The following RASSF8 variants were observed in gnomAD, a reference collection of about 807,000 sequenced individuals.
The protein encoded by RASSF8 is ras association domain-containing protein 8.
RASSF8 carries 22 observed loss-of-function variants against 48.5 expected under a neutral mutation model. The ratio of observed to expected loss-of-function variants is 0.45; its 90% CI spans 0.32 to 0.65. The LOEUF (loss-of-function observed/expected upper bound fraction) is 0.65, where lower values mean the gene tolerates loss of function less well. Among genes scored for constraint, RASSF8 ranks in the 30% least tolerant of loss-of-function variants. The probability of loss-of-function intolerance (pLI) is 0.03; values close to 1 mark genes in which losing one functional copy is unlikely to be tolerated. For synonymous variants in RASSF8, 127 were observed against 171.5 expected, an observed-to-expected ratio of 0.74 and a Z score of 2.03; for missense variants, 418 against 489.2, an observed-to-expected ratio of 0.85 and a Z score of 1.37.
intron 2 of RASSF8, among the ~76,000 whole-genome samples, chr12:26,015,765 C>T (rs770736672): frequency 1.3e-5 from 2 of 152,042 alleles, no homozygotes; most frequent in African/African-American, 4.8e-5. Context: ...GAAAAATAAA[C>T]GAAATTAAAG....
chr12:25,981,749 T>C (rs1257736404), intron 1 of RASSF8, among the ~76,000 whole-genome samples: 1 of 152,220 alleles, frequency 6.6e-6, no homozygotes, highest in Non-Finnish European at 1.5e-5. Flanking sequence ...TTAGAATGAC[T>C]CTCAGCCTTC....
At chr12:26,055,128 C>T (rs1943574185) in intron 2 of RASSF8, 108 bp from the exon 3 acceptor site, 1 of 525,372 alleles carries the variant, frequency 1.9e-6, no homozygotes, top group East Asian at 3.1e-5. Flanking sequence ...AGCCTGTGTA[C>T]TTCAGTAAGA....
intron 2 of RASSF8, among the ~76,000 whole-genome samples, chr12:26,009,379 A>G (rs1275452457): frequency 1.3e-5 from 2 of 152,180 alleles, no homozygotes; most frequent in African/African-American, 4.8e-5. Context: ...TGTTTGGGAA[A>G]TTGGTGAGGG....
At chr12:26,031,762 G>T (rs1943034715) in intron 2 of RASSF8, among the ~76,000 whole-genome samples, 1 of 152,008 alleles carries the variant, frequency 6.6e-6, no homozygotes, top group African/African-American at 2.4e-5. Flanking sequence ...GAAAAAGAGG[G>T]TTAATAGAGA....
Position 26,071,575 on chromosome 12 carries a change from G to T in RASSF8, c.*2757G>T. Reference sequence around the variant, plus strand: ...AATGGCCCATAGTGTGTTGCCTGTGGACATAGTGTCCATAGTCCCTTTCTT... The same window carrying T: ...AATGGCCCATAGTGTGTTGCCTGTGTACATAGTGTCCATAGTCCCTTTCTT... On this transcript the variant is annotated 3_prime_UTR_variant, in exon 6 of 6. Transcript: ENST00000689635. 1 of 984,518 alleles carries T rather than the reference G, an allele frequency of 1.0e-6. No individual in the cohort carries two copies. Among genetic ancestry groups the T allele is most frequent in the Non-Finnish European group, 1.2e-6 (1 of 829,140 alleles). The allele number at this position is 984,518 out of a possible 1,614,324, so 61.0% of individuals were successfully genotyped here. A position where few individuals can be genotyped will look rare whatever the true frequency, so the allele number is the denominator to read the frequency against.
intron 2 of RASSF8, among the ~76,000 whole-genome samples, chr12:26,018,626 G>A (rs1425313361): frequency 1.3e-5 from 2 of 152,136 alleles, no homozygotes; most frequent in Non-Finnish European, 1.5e-5. Context: ...CAGCAGAAAG[G>A]GGGTGTAGGT....
chr12:26,069,436 T>C lies in RASSF8; in HGVS notation c.*618T>C. 4.1e-6 allele frequency: 4 copies of C among 985,458 alleles called. No homozygotes were observed. Among genetic ancestry groups the C allele is most frequent in the Non-Finnish European group, 4.8e-6 (4 of 829,912 alleles). 61.0% of individuals were successfully genotyped at this position (985,458 alleles called of 1,614,324 possible). ...GTGAAATAATTCAGGGTTTTTTAAATCTGGAATTTAGTCGTTCCTTTACAA... is the reference window on the plus strand; with the variant it reads ...GTGAAATAATTCAGGGTTTTTTAAACCTGGAATTTAGTCGTTCCTTTACAA... On this transcript the variant is annotated 3_prime_UTR_variant, in exon 6 of 6. Transcript: ENST00000689635.
At chr12:26,038,827 G>C (rs960637038) in intron 2 of RASSF8, among the ~76,000 whole-genome samples, 6 of 152,080 alleles carry the variant, frequency 3.9e-5, no homozygotes, top group African/African-American at 7.2e-5. Context: ...TTACTCCTTT[G>C]TTTTCAAAGA....
chr12:26,009,746 A>G (rs980085212), intron 2 of RASSF8, among the ~76,000 whole-genome samples: 10 of 152,334 alleles, frequency 6.6e-5, no homozygotes, highest in Middle Eastern at 3.4e-3. Context: ...ACTGACCCTT[A>G]TATTTAGCAA....
chr12:25,992,677 A>G (rs1414755348), intron 1 of RASSF8, among the ~76,000 whole-genome samples: 1 of 152,160 alleles, frequency 6.6e-6, no homozygotes, highest in Non-Finnish European at 1.5e-5. Flanking sequence ...TGCATGCTAC[A>G]TGGTGGCTTC....
Position 25,965,029 on chromosome 12 carries a change from G to A in RASSF8, c.-203+5881G>A, listed in dbSNP as rs932396455. Among the ~76,000 whole-genome samples, 19 of 151,316 alleles carry A rather than the reference G, an allele frequency of 1.3e-4. No individual in the cohort carries two copies. The East Asian group carries it at 3.5e-3, about 28-fold the overall frequency. ...ACGATCTTGGCTCACTGCAAGCTCCGCCTCCCGGGTTCATGCCATTCTCCC... is the reference window on the plus strand; with the variant it reads ...ACGATCTTGGCTCACTGCAAGCTCCACCTCCCGGGTTCATGCCATTCTCCC... On this transcript the variant is annotated intron_variant, in intron 1 of 5. Transcript: ENST00000689635.
intron 1 of RASSF8, among the ~76,000 whole-genome samples, chr12:25,989,326 A>C (rs1432614383): frequency 6.6e-6 from 1 of 152,180 alleles, no homozygotes; most frequent in African/African-American, 2.4e-5. Flanking sequence ...CACAGTTTCT[A>C]CTACTAGTGT....
intron 1 of RASSF8, among the ~76,000 whole-genome samples, chr12:25,970,757 A>G (rs1281814896): frequency 1.3e-5 from 2 of 152,146 alleles, no homozygotes; most frequent in Non-Finnish European, 2.9e-5. Context: ...CTGCCCTCCC[A>G]TCCCTTGACT....
At chr12:26,041,508 T>C (rs1943264659) in intron 2 of RASSF8, among the ~76,000 whole-genome samples, 2 of 152,134 alleles carry the variant, frequency 1.3e-5, no homozygotes, top group African/African-American at 4.8e-5. Context: ...AATGAGTATG[T>C]ACTATGTTCA....
At chr12:26,025,918 A>G (rs1458853767) in intron 2 of RASSF8, among the ~76,000 whole-genome samples, 1 of 152,160 alleles carries the variant, frequency 6.6e-6, no homozygotes, top group South Asian at 2.1e-4. Flanking sequence ...TCTCATGTTC[A>G]TGGATCTGTT....
chr12:26,052,026 A>C (rs1430796645), intron 2 of RASSF8, among the ~76,000 whole-genome samples: 1 of 152,226 alleles, frequency 6.6e-6, no homozygotes, highest in Non-Finnish European at 1.5e-5. Context: ...GAGAAAGGAC[A>C]CATGTTGACA....
chr12:26,015,054 T>C lies in RASSF8; in HGVS notation c.-109+19924T>C, dbSNP rs760449042. ...GACCCCGTCTGTCCAAAAAAAAAAATAGAAATTAGCCAGGCATCATTGTGT... is the reference window on the plus strand; with the variant it reads ...GACCCCGTCTGTCCAAAAAAAAAAACAGAAATTAGCCAGGCATCATTGTGT... On this transcript the variant is annotated intron_variant, in intron 2 of 5. Transcript: ENST00000689635. Among the ~76,000 whole-genome samples, 50 of 144,700 alleles carry C rather than the reference T, an allele frequency of 3.5e-4. 1 individual carries two copies. Among genetic ancestry groups the C allele is most frequent in the Non-Finnish European group, 6.6e-4 (43 of 65,602 alleles). 94.9% of individuals were successfully genotyped at this position (144,700 alleles called of 152,430 possible).
intron 1 of RASSF8, among the ~76,000 whole-genome samples, chr12:25,965,457 T>C (rs1167265560): frequency 2.0e-5 from 3 of 148,698 alleles, no homozygotes; most frequent in African/African-American, 7.4e-5. Flanking sequence ...CACTGCCTCC[T>C]AGGTTCAGTC....
At chr12:26,017,446 A>G (rs562184656) in intron 2 of RASSF8, among the ~76,000 whole-genome samples, 1 of 152,344 alleles carries the variant, frequency 6.6e-6, no homozygotes, top group South Asian at 2.1e-4. Context: ...AGCTACTACT[A>G]CTAAGGCTGA....
Sources: gnomAD v4.1 joint callset for allele counts (sites outside exome capture counted in the v4.1 genomes callset) on GRCh38, gnomAD v4.1.1 for gene constraint, MANE v1.5 for transcripts, NCBI Gene and HGNC (gene_info 2026-07-23, HGNC 2026-07-21) for gene names.